DPYSL3: variants seen among roughly 807,000 people sequenced by gnomAD.
DPYSL3 encodes dihydropyrimidinase like 3, also known as dihydropyrimidinase-related protein 3.
Under a neutral mutation model 66.1 loss-of-function variants are expected in DPYSL3, and 16 were observed. That is an observed-to-expected ratio of 0.24 (90% CI 0.16 to 0.37). The LOEUF is 0.37. Among genes scored for constraint, DPYSL3 ranks in the 10% least tolerant of loss-of-function variants. The probability of loss-of-function intolerance (pLI) is 1.00; values close to 1 mark genes in which losing one functional copy is unlikely to be tolerated. For synonymous variants in DPYSL3, 338 were observed against 345.1 expected (o/e 0.98, Z 0.23); for missense variants, 738 against 916.2 (o/e 0.81, Z 2.51).
chr5:147,474,596 G>T (rs1482381704), intron 1 of DPYSL3, among the ~76,000 whole-genome samples: 1 of 152,024 alleles, frequency 6.6e-6, no homozygotes, highest in Middle Eastern at 3.2e-3. Context: ...TTTTACAACA[G>T]TGTTTATTAT....
chr5:147,401,765 A>G, intron 8 of DPYSL3, 69 bp from the exon 9 acceptor site: 2 of 1,577,674 alleles, frequency 1.3e-6, no homozygotes, highest in Non-Finnish European at 1.7e-6. Context: ...AGCCTATTTA[A>G]TTTAGCTCCT....
rs1290344378 is a variant in DPYSL3 at position 147,489,330 on chromosome 5, C to T, written c.381+20148G>A. Among the ~76,000 whole-genome samples, 3 of 152,168 alleles carry T rather than the reference C, an allele frequency of 2.0e-5. No individual in the cohort carries two copies. The East Asian group carries it at 5.8e-4, about 29-fold the overall frequency. On this transcript the variant is annotated intron_variant, in intron 1 of 13. Coordinates refer to ENST00000343218, the MANE Select transcript of DPYSL3 (RefSeq NM_001197294.2). ...TCCAGGTGTTGGATCCCATTCAGCA[C>T]TGATGCTTAGCTGCCACCATACCAG...
intron 11 of DPYSL3, 29 bp from the exon 12 acceptor site, chr5:147,397,874 C>T: frequency 2.1e-6 from 3 of 1,442,138 alleles, no homozygotes; most frequent in Non-Finnish European, 2.8e-6. Flanking sequence ...AGCAAAGCCA[C>T]AGTAAGGGTA....
At position 147,424,841 on chromosome 5, in the gene DPYSL3, CA is replaced by C. The variant is rs755241603; in HGVS notation, c.470+33del. ...TGAGCCATTAATGAAGGAGGAAGTGCAAAACAATAAAGAGAAGAATTCCATA... is the reference window on the plus strand; with the variant it reads ...TGAGCCATTAATGAAGGAGGAAGTGCAAACAATAAAGAGAAGAATTCCATA... On this transcript the variant is annotated intron_variant, in intron 2 of 13. Coordinates refer to ENST00000343218, the MANE Select transcript of DPYSL3 (RefSeq NM_001197294.2). 15 of 1,505,032 alleles carry C rather than the reference CA, an allele frequency of 1.0e-5. No individual in the cohort carries two copies. In the Middle Eastern group the frequency reaches 7.1e-4, roughly 71 times the overall value. 93.2% of individuals were successfully genotyped at this position (1,505,032 alleles called of 1,614,324 possible). A position where few individuals can be genotyped will look rare whatever the true frequency, so the allele number is the denominator to read the frequency against.
At chr5:147,399,728 C>A in intron 10 of DPYSL3, among the ~76,000 whole-genome samples, 1 of 152,114 alleles carries the variant, frequency 6.6e-6, no homozygotes, top group East Asian at 1.9e-4. Flanking sequence ...CAAGTGTGTG[C>A]TTGTCTGTAG....
chr5:147,437,427 A>G (rs1274605949), intron 1 of DPYSL3, among the ~76,000 whole-genome samples: 1 of 152,200 alleles, frequency 6.6e-6, no homozygotes, highest in African/African-American at 2.4e-5. Flanking sequence ...TTCTTCTTCA[A>G]GTCTGACATT....
At chr5:147,394,210 T>A in intron 13 of DPYSL3, 87 bp from the exon 14 acceptor site, 1 of 1,371,262 alleles carries the variant, frequency 7.3e-7, no homozygotes, top group Admixed American at 1.8e-5. Context: ...TGGGTTAATT[T>A]TAAGAGTGCA....
At chr5:147,499,696 A>T (rs1753573767) in intron 1 of DPYSL3, among the ~76,000 whole-genome samples, 1 of 152,182 alleles carries the variant, frequency 6.6e-6, no homozygotes, top group Non-Finnish European at 1.5e-5. Flanking sequence ...TGTTGATATC[A>T]ACAAACTGAT....
At chr5:147,506,275 G>C (rs972577813) in intron 1 of DPYSL3, among the ~76,000 whole-genome samples, 6 of 152,120 alleles carry the variant, frequency 3.9e-5, no homozygotes, top group Non-Finnish European at 8.8e-5. Context: ...ATTTTTTTGG[G>C]GGTGGTTTGT....
At chr5:147,402,380 C>T (rs1758211296) in intron 8 of DPYSL3, among the ~76,000 whole-genome samples, 1 of 133,208 alleles carries the variant, frequency 7.5e-6, no homozygotes, top group Non-Finnish European at 1.5e-5. Flanking sequence ...CGGAGTCTCG[C>T]TCTGTCGCCC....
chr5:147,500,287 A>G (rs1029623353), intron 1 of DPYSL3, among the ~76,000 whole-genome samples: 1 of 152,176 alleles, frequency 6.6e-6, no homozygotes, highest in African/African-American at 2.4e-5. Context: ...CTGATAAACA[A>G]CTATTATCTG....
chr5:147,400,968 G>T (rs780958701), intron 9 of DPYSL3, 135 bp from the exon 10 acceptor site: 37 of 1,167,250 alleles, frequency 3.2e-5, no homozygotes, highest in Non-Finnish European at 4.2e-5. Context: ...CCTCTTACTA[G>T]ATATATGAGC....
chr5:147,414,024 C>G (rs1376982973), intron 4 of DPYSL3, among the ~76,000 whole-genome samples: 1 of 152,188 alleles, frequency 6.6e-6, no homozygotes, highest in African/African-American at 2.4e-5. Context: ...GGGGGCTGCA[C>G]CACTGAAATC....
intron 1 of DPYSL3, among the ~76,000 whole-genome samples, chr5:147,498,515 C>A (rs1753555367): frequency 6.6e-6 from 1 of 152,166 alleles, no homozygotes; most frequent in African/African-American, 2.4e-5. Flanking sequence ...AATTGCCACA[C>A]CGTCTTCCAC....
intron 1 of DPYSL3, among the ~76,000 whole-genome samples, chr5:147,481,485 C>T (rs374195810): frequency 9.8e-4 from 149 of 152,268 alleles, no homozygotes; most frequent in Non-Finnish European, 1.6e-3. Context: ...AAAGCATTAG[C>T]TAGAGTTTTA....
At position 147,395,517 on chromosome 5, in the gene DPYSL3, C is replaced by T. The variant is rs558622039; in HGVS notation, c.1966+42G>A. 9.5e-5 allele frequency: 149 copies of T among 1,573,150 alleles called. No individual in the cohort carries two copies. In the East Asian group the frequency reaches 3.1e-3, roughly 33 times the overall value. ...GTGGCCTCAGAACATTGATCTTCCC[C>T]TTCCCCCTTCTCTTATCTTTTGATG... On this transcript the variant is annotated intron_variant, in intron 13 of 13. Transcript: ENST00000343218.
intron 1 of DPYSL3, among the ~76,000 whole-genome samples, chr5:147,434,028 CAA>C (rs146353824): frequency 4.4e-5 from 6 of 137,652 alleles, no homozygotes; most frequent in African/African-American, 5.4e-5. Context: ...AACTCCGTCT[CAA>C]AAAAAAAAAA....
At chr5:147,453,631 T>TCTG (rs745353597) in intron 1 of DPYSL3, 29 of 1,519,788 alleles carry the variant, frequency 1.9e-5, no homozygotes, top group East Asian at 1.1e-4. Context: ...CCCTCCTTCT[T>TCTG]CTGCTCCGGC....
chr5:147,469,441 C>T (rs941412852), intron 1 of DPYSL3, among the ~76,000 whole-genome samples: 3 of 152,182 alleles, frequency 2.0e-5, no homozygotes, highest in Admixed American at 2.0e-4. Flanking sequence ...CAGTTTTCTC[C>T]TCTATAAAAT....
Sources: allele counts gnomAD v4.1 joint callset (sites outside exome capture counted in the v4.1 genomes callset), GRCh38; gene constraint gnomAD v4.1.1; transcripts MANE v1.5; gene names NCBI Gene and HGNC (gene_info 2026-07-23, HGNC 2026-07-21).